The following GABRB2 variants were observed in gnomAD, a reference collection of about 807,000 sequenced individuals.
GABRB2 encodes the protein gamma-aminobutyric acid type A receptor subunit beta2, also known as gamma-aminobutyric acid receptor subunit beta-2.
GABRB2 carries 16 observed loss-of-function variants against 54.7 expected under a neutral mutation model. The observed-to-expected ratio is 0.29, with a 90% confidence interval of 0.20 to 0.44. The LOEUF (loss-of-function observed/expected upper bound fraction) is 0.44. Among genes scored for constraint, GABRB2 ranks in the 20% least tolerant of loss-of-function variants. GABRB2 has a pLI of 1.00. For missense variants in GABRB2, 355 were observed against 644.0 expected (o/e 0.55, Z 4.86); for synonymous variants, 244 against 233.8 (o/e 1.04, Z -0.40).
At chr5:161,407,136 C>G (rs563283062) in intron 5 of GABRB2, among the ~76,000 whole-genome samples, 2 of 152,154 alleles carry the variant, frequency 1.3e-5, no homozygotes, top group East Asian at 3.9e-4. Flanking sequence ...TTCACACGCC[C>G]TAAGTGGAAA....
intron 4 of GABRB2, among the ~76,000 whole-genome samples, chr5:161,457,448 C>CTTT (rs199690111): frequency 7.2e-6 from 1 of 139,516 alleles, no homozygotes; most frequent in African/African-American, 2.6e-5. Context: ...CCTCTCAATT[C>CTTT]TTTTTTTTTT....
At chr5:161,427,369 T>C (rs1439951900) in intron 4 of GABRB2, among the ~76,000 whole-genome samples, 1 of 152,120 alleles carries the variant, frequency 6.6e-6, no homozygotes, top group Non-Finnish European at 1.5e-5. Context: ...ACTTGGCGGA[T>C]AGTGAGGGCT....
chr5:161,524,696 A>G (rs1207752184), intron 3 of GABRB2, among the ~76,000 whole-genome samples: 40 of 151,336 alleles, frequency 2.6e-4, no homozygotes, highest in Non-Finnish European at 1.5e-5. Flanking sequence ...AGAATAGAAT[A>G]CAACATGATC....
At chr5:161,401,390 T>G (rs1756184842) in intron 5 of GABRB2, among the ~76,000 whole-genome samples, 1 of 152,196 alleles carries the variant, frequency 6.6e-6, no homozygotes. Context: ...CAAACAGGAA[T>G]GCGTAGAATA....
chr5:161,476,084 T>C (rs1217204323), intron 3 of GABRB2, among the ~76,000 whole-genome samples: 1 of 151,978 alleles, frequency 6.6e-6, no homozygotes, highest in Non-Finnish European at 1.5e-5. Flanking sequence ...TAAATGAATT[T>C]GGCCAAGTTG....
intron 5 of GABRB2, among the ~76,000 whole-genome samples, chr5:161,385,087 G>A (rs35312891): frequency 3.9e-5 from 6 of 152,068 alleles, no homozygotes; most frequent in Non-Finnish European, 7.4e-5. Context: ...GGAATCTCCC[G>A]CATTGAGCAT....
intron 3 of GABRB2, 21 bp from the exon 4 acceptor site, chr5:161,459,865 A>T (rs1192289115): frequency 1.3e-6 from 2 of 1,512,698 alleles, no homozygotes; most frequent in Admixed American, 3.4e-5. Context: ...GAGAAAAAAA[A>T]ACATGGTTAG....
At chr5:161,368,041 C>A (rs557705613) in intron 5 of GABRB2, among the ~76,000 whole-genome samples, 2 of 151,782 alleles carry the variant, frequency 1.3e-5, no homozygotes, top group Non-Finnish European at 2.9e-5. Context: ...ACAGGTTGGT[C>A]TATGTGACCC....
chr5:161,328,032 A>C lies in GABRB2; in HGVS notation c.1078-1551T>G, dbSNP rs566184961. ...AAATAGTGGGAGTCTGGAAAGCTTG[A>C]TGGTCAGCATTTTGTTTTAATCTAA... On this transcript the variant is annotated intron_variant, in intron 8 of 9. Coordinates refer to ENST00000393959, the MANE Select transcript of GABRB2 (RefSeq NM_001371727.1). 1.1e-4 allele frequency among the ~76,000 whole-genome samples: 16 copies of C among 152,276 alleles called. No homozygotes were observed. The East Asian group carries it at 3.1e-3, about 29-fold the overall frequency.
intron 3 of GABRB2, among the ~76,000 whole-genome samples, chr5:161,463,554 TTTA>T (rs1758185083): frequency 4.1e-4 from 9 of 22,062 alleles, no homozygotes; most frequent in African/African-American, 1.0e-3. Flanking sequence ...AATATTTTTA[TTTA>T]TATATATATA....
chr5:161,386,813 C>G (rs1352007346), intron 5 of GABRB2, among the ~76,000 whole-genome samples: 2 of 112,756 alleles, frequency 1.8e-5, no homozygotes, highest in East Asian at 5.1e-4. Flanking sequence ...GCATGAGCCA[C>G]TGTGCCCAGC....
intron 4 of GABRB2, among the ~76,000 whole-genome samples, chr5:161,427,852 C>G (rs1046758344): frequency 2.0e-5 from 3 of 152,146 alleles, no homozygotes; most frequent in African/African-American, 4.8e-5. Flanking sequence ...AATTTTCATG[C>G]CCAGTGTTCA....
intron 9 of GABRB2, among the ~76,000 whole-genome samples, chr5:161,310,520 G>A (rs10515825): frequency 0.071 from 10,795 of 152,132 alleles, 608 homozygotes; most frequent in Admixed American, 0.16. Flanking sequence ...GCCTATGCAT[G>A]ATTTTTCATA....
intron 4 of GABRB2, among the ~76,000 whole-genome samples, chr5:161,416,754 A>AAACATATT (rs1471277267): frequency 1.3e-5 from 2 of 149,426 alleles, no homozygotes; most frequent in Admixed American, 6.8e-5. Context: ...ACTATATTCA[A>AAACATATT]AACATATTGT....
chr5:161,319,452 C>T (rs1393180866), intron 9 of GABRB2, among the ~76,000 whole-genome samples: 1 of 147,970 alleles, frequency 6.8e-6, no homozygotes, highest in African/African-American at 2.5e-5. Context: ...TAAAGTTTTT[C>T]ACCCTTTCAA....
chr5:161,501,306 AG>A (rs1045971114), intron 3 of GABRB2, among the ~76,000 whole-genome samples: 1 of 151,446 alleles, frequency 6.6e-6, no homozygotes, highest in African/African-American at 2.4e-5. Flanking sequence ...TAAAAAAAAA[AG>A]TGCTGTGGGT....
intron 8 of GABRB2, among the ~76,000 whole-genome samples, chr5:161,327,635 C>G (rs1284609340): frequency 6.6e-6 from 1 of 152,120 alleles, no homozygotes; most frequent in Non-Finnish European, 1.5e-5. Flanking sequence ...GCGGTAGCAT[C>G]TGCTGAATCA....
Position 161,546,674 on chromosome 5 carries a change from C to T in GABRB2, c.-31G>A, listed in dbSNP as rs1479748549. 6.4e-7 allele frequency: 1 copy of T among 1,567,526 alleles called. No homozygotes were observed. Among genetic ancestry groups the T allele is most frequent in the South Asian group, 1.2e-5 (1 of 85,322 alleles). ...TAGTTTTTGATGGAATTGAGGGTTT[C>T]ACTGAAGAGAGGAGATCCAACTTAG... On this transcript the variant is annotated 5_prime_UTR_variant, in exon 1 of 10. Coordinates refer to ENST00000393959, the MANE Select transcript of GABRB2 (RefSeq NM_001371727.1).
intron 5 of GABRB2, among the ~76,000 whole-genome samples, chr5:161,368,832 AG>A: frequency 6.6e-6 from 1 of 152,298 alleles, no homozygotes; most frequent in Non-Finnish European, 1.5e-5. Context: ...ATGGAAAGTG[AG>A]GTGTAATTTT....
Sources: gnomAD v4.1 joint callset for allele counts (sites outside exome capture counted in the v4.1 genomes callset) on GRCh38, gnomAD v4.1.1 for gene constraint, MANE v1.5 for transcripts, NCBI Gene and HGNC (gene_info 2026-07-23, HGNC 2026-07-21) for gene names.